SRP14: variants seen among roughly 807,000 people sequenced by gnomAD.
SRP14 encodes signal recognition particle 14.
In SRP14, 1 loss-of-function variant was observed where a neutral mutation model predicts 16.0. The observed-to-expected ratio is 0.06, with a 90% CI of 0.02 to 0.30. The LOEUF is 0.30. SRP14 is among the 10% of genes least tolerant of loss of function. The pLI, the probability that SRP14 is intolerant of heterozygous loss-of-function variation, is 1.00. For missense variants in SRP14, 120 were observed against 163.1 expected (o/e 0.74, Z 1.44); for synonymous variants, 67 against 60.1 (o/e 1.12, Z -0.53).
At chr15:40,036,868 A>G in intron 4 of SRP14, 118 bp downstream of exon 4, 1 of 1,181,216 alleles carries the variant, frequency 8.5e-7, no homozygotes. Flanking sequence ...TACTTGAAAC[A>G]TACTGGTAAA....
chr15:40,036,551 G>T, intron 4 of SRP14, 51 bp from the exon 5 acceptor site: 2 of 1,572,382 alleles, frequency 1.3e-6, no homozygotes, highest in South Asian at 1.1e-5. Flanking sequence ...CAAACTGGCA[G>T]AACACCAGCC....
intron 2 of SRP14, 114 bp downstream of exon 2, chr15:40,038,762 A>G: frequency 8.8e-7 from 1 of 1,135,020 alleles, no homozygotes; most frequent in Non-Finnish European, 1.3e-6. Context: ...GAATGTGCTC[A>G]GTACAGGGTG....
rs2035661183 is a variant in SRP14 at position 40,038,267 on chromosome 15, A to G, written c.210+15T>C. On this transcript the variant is annotated intron_variant, in intron 3 of 4. Transcript: ENST00000267884. ...TCTTTACATTTCAAAAGACAGCCTT[A>G]GAAATTAAGCTCACCACAGTGCTGA... The G allele has an allele frequency of 6.3e-7, 1 of 1,577,244 alleles. No individual in the cohort carries two copies. The highest frequency in any genetic ancestry group is 8.7e-7 in the Non-Finnish European group (1 of 1,146,624).
intron 2 of SRP14, 200 bp downstream of exon 2, chr15:40,038,676 C>CA: frequency 1.6e-6 from 1 of 636,222 alleles, no homozygotes; most frequent in South Asian, 1.9e-5. Flanking sequence ...CCATTGTTAC[C>CA]AGAAGCAACC....
At position 40,039,132 on chromosome 15, in the gene SRP14, T is replaced by G; in HGVS notation, c.-16A>C. 6.2e-7 allele frequency: 1 copy of G among 1,609,108 alleles called. No individual in the cohort carries two copies. The highest frequency in any genetic ancestry group is 8.5e-7 in the Non-Finnish European group (1 of 1,178,588). On this transcript the variant is annotated 5_prime_UTR_variant, in exon 1 of 5. Transcript: ENST00000267884. Reference sequence around the variant, plus strand: ...ACAACACCATCGCGGCGACGCTGGCTCGACTCCCTCCGCTTAAGCCCCTAG... The same window carrying G: ...ACAACACCATCGCGGCGACGCTGGCGCGACTCCCTCCGCTTAAGCCCCTAG...
chr15:40,036,583 G>C, intron 4 of SRP14, 83 bp from the exon 5 acceptor site: 1 of 1,401,900 alleles, frequency 7.1e-7, no homozygotes, highest in Non-Finnish European at 9.8e-7. Context: ...ATGGATTTAG[G>C]GTAGCCAAAA....
At chr15:40,038,819 G>T in intron 2 of SRP14, 57 bp downstream of exon 2, 2 of 1,579,928 alleles carry the variant, frequency 1.3e-6, no homozygotes, top group Non-Finnish European at 1.7e-6. Context: ...AGACTCCGGT[G>T]GCTCCCAGAC....
chr15:40,038,198 T>C (rs1241332444), intron 3 of SRP14, 84 bp downstream of exon 3: 9 of 1,138,084 alleles, frequency 7.9e-6, no homozygotes, highest in Non-Finnish European at 1.2e-5. Context: ...GAAAAACAAA[T>C]AAAAGCCTGG....
At chr15:40,037,257 A>G in intron 3 of SRP14, 1 of 1,123,530 alleles carries the variant, frequency 8.9e-7, no homozygotes, top group Non-Finnish European at 1.1e-6. Context: ...CAAGAGGTGA[A>G]AGGCAGTAGG....
At chr15:40,037,378 T>C (rs1163066958) in intron 3 of SRP14, 1 of 1,261,572 alleles carries the variant, frequency 7.9e-7, no homozygotes, top group Non-Finnish European at 1.0e-6. Flanking sequence ...AGAGGACTTC[T>C]CAGTATTAAT....
rs1347685679 is a variant in SRP14 at position 40,039,162 on chromosome 15, G to A, written c.-46C>T. 2 of 1,595,162 alleles carry A rather than the reference G, an allele frequency of 1.3e-6. No individual in the cohort carries two copies. The highest frequency in any genetic ancestry group is 1.7e-6 in the Non-Finnish European group (2 of 1,173,380). ...TCCCTCCGCTTAAGCCCCTAGCAGT[G>A]AGAGCCGGAAGTTCGGCCTAGGCTG... On this transcript the variant is annotated 5_prime_UTR_variant, in exon 1 of 5. Coordinates refer to ENST00000267884, the MANE Select transcript of SRP14 (RefSeq NM_003134.6).
chr15:40,036,955 A>C (rs1458398817), intron 4 of SRP14, 31 bp downstream of exon 4: 1 of 1,612,926 alleles, frequency 6.2e-7, no homozygotes, highest in African/African-American at 1.3e-5. Context: ...TTGCCCTGAG[A>C]AGGGAAACAT....
Position 40,036,368 on chromosome 15 carries a change from TTGTTGGTGCTGTTGC to T in SRP14, c.361_375del (p.Ala121_Thr125del). The T allele has an allele frequency of 1.2e-6, 2 of 1,600,332 alleles. No homozygotes were observed. The highest frequency in any genetic ancestry group is 1.7e-6 in the Non-Finnish European group (2 of 1,171,784). On this transcript the variant is annotated inframe_deletion, in exon 5 of 5. Transcript: ENST00000267884. ...GCTGTTGCTGCTGTTGTTGCTGCTG[TTGTTGGTGCTGTTGC>T]TGCTGCGGCAGGTGCTGCTGCTGCT...
At position 40,038,224 on chromosome 15, in the gene SRP14, T is replaced by C. The variant is rs1169548640; in HGVS notation, c.210+58A>G. 7.2e-6 allele frequency: 10 copies of C among 1,382,086 alleles called. No individual in the cohort carries two copies. In the East Asian group the frequency reaches 2.3e-4, roughly 31 times the overall value. 85.6% of individuals were successfully genotyped at this position (1,382,086 alleles called of 1,614,324 possible). On this transcript the variant is annotated intron_variant, in intron 3 of 4. Transcript: ENST00000267884. ...AAAAGCCTGGTTCAGAAACGCCCCA[T>C]CCTCTGTTAAGTTCAAGTCTTTACA...
rs2035609811 is a variant in SRP14 at position 40,035,745 on chromosome 15, T to C, written c.*588A>G. 1 of 152,326 alleles carries C rather than the reference T, an allele frequency of 6.6e-6. No homozygotes were observed. The highest frequency in any genetic ancestry group is 2.4e-5 in the African/African-American group (1 of 41,450). 9.4% of individuals were successfully genotyped at this position (152,326 alleles called of 1,614,324 possible). A position where few individuals can be genotyped will look rare whatever the true frequency, so the allele number is the denominator to read the frequency against. On this transcript the variant is annotated 3_prime_UTR_variant, in exon 5 of 5. Coordinates refer to ENST00000267884, the MANE Select transcript of SRP14 (RefSeq NM_003134.6). ...AAAGAAACCAAAAATCATAATTACT[T>C]TGGAACCTTTATTCTTGATGACTTT...
In SRP14 at chr15:40,037,615, C is replaced by CGTGGGAGACTTCCAA. The variant is rs1567014648; in HGVS notation, c.211-598_211-597insTTGGAAGTCTCCCAC. Among the ~76,000 whole-genome samples the CGTGGGAGACTTCCAA allele has an allele frequency of 3.2e-4, 31 of 96,362 alleles. 10 individuals are homozygous for CGTGGGAGACTTCCAA. Among genetic ancestry groups the CGTGGGAGACTTCCAA allele is most frequent in the Non-Finnish European group, 6.0e-4 (20 of 33,536 alleles). 63.2% of individuals were successfully genotyped at this position (96,362 alleles called of 152,430 possible). A position where few individuals can be genotyped will look rare whatever the true frequency, so the allele number is the denominator to read the frequency against. ...TAGAAGTCCTCTCAAGATAACTTGT[C>CGTGGGAGACTTCCAA]CTTAGGTTTTTGTTATTTCATGATA... On this transcript the variant is annotated intron_variant, in intron 3 of 4. Coordinates refer to ENST00000267884, the MANE Select transcript of SRP14 (RefSeq NM_003134.6).
At position 40,036,686 on chromosome 15, in the gene SRP14, C is replaced by A. The variant is rs530358543; in HGVS notation, c.244-186G>T. The A allele has an allele frequency of 1.4e-4, 96 of 706,910 alleles. 1 individual carries two copies. The South Asian group carries it at 1.7e-3, about 13-fold the overall frequency. 43.8% of individuals were successfully genotyped at this position (706,910 alleles called of 1,614,324 possible). On this transcript the variant is annotated intron_variant, in intron 4 of 4. Transcript: ENST00000267884. ...CACATTATAGCAGCTTCTGCAACACCCACAGACAGTTGCACACATTTTTTA... is the reference window on the plus strand; with the variant it reads ...CACATTATAGCAGCTTCTGCAACACACACAGACAGTTGCACACATTTTTTA...
intron 3 of SRP14, 45 bp downstream of exon 3, chr15:40,038,237 T>G: frequency 6.8e-7 from 1 of 1,472,030 alleles, no homozygotes; most frequent in South Asian, 1.1e-5. Context: ...TCTGTTAAGT[T>G]CAAGTCTTTA....
intron 3 of SRP14, chr15:40,037,279 G>T: frequency 2.7e-6 from 2 of 740,792 alleles, no homozygotes; most frequent in Non-Finnish European, 1.7e-6. Flanking sequence ...TCCTTTTGGG[G>T]AAAAAAAAAA....
Sources: allele counts gnomAD v4.1 joint callset (sites outside exome capture counted in the v4.1 genomes callset), GRCh38; gene constraint gnomAD v4.1.1; transcripts MANE v1.5; gene names NCBI Gene and HGNC (gene_info 2026-07-23, HGNC 2026-07-21).